Variants in SYN1 observed in about 807,000 individuals in gnomAD.
SYN1 encodes synapsin-1.
SYN1 carries 8 observed loss-of-function variants against 44.6 expected under a neutral mutation model. The ratio of observed to expected loss-of-function variants is 0.18; its 90% CI spans 0.11 to 0.32. The LOEUF (loss-of-function observed/expected upper bound fraction) is 0.32. Ranked by LOEUF, SYN1 falls within the 10% of genes least tolerant of loss-of-function variation. SYN1 has a pLI of 1.00. For missense variants in SYN1, 451 were observed against 639.4 expected (o/e 0.71, Z 3.18); for synonymous variants, 275 against 280.1 (o/e 0.98, Z 0.18).
Position 47,612,557 on chromosome X carries a change from G to A in SYN1, c.378-5359C>T, listed in dbSNP as rs187478523. Among the ~76,000 whole-genome samples, 10 of 111,941 alleles carry A rather than the reference G, an allele frequency of 8.9e-5. No individual in the cohort carries two copies. The East Asian group carries it at 2.8e-3, about 32-fold the overall frequency. On this transcript the variant is annotated intron_variant, in intron 1 of 12. Coordinates refer to ENST00000295987, the MANE Select transcript of SYN1 (RefSeq NM_006950.3). Reference sequence around the variant, plus strand: ...ACAAATTGGTTGTCTTAGTATGTGGGTGGAAGCCAAAAATGGGCAGTGGTT... The same window carrying A: ...ACAAATTGGTTGTCTTAGTATGTGGATGGAAGCCAAAAATGGGCAGTGGTT...
At chrX:47,584,810 CTG>C (rs1363592921) in intron 5 of SYN1, 5 of 528,121 alleles carry the variant, frequency 9.5e-6, no homozygotes, top group Non-Finnish European at 1.6e-5. Context: ...ACTTTGTGTG[CTG>C]TCTGGCATCC....
intron 5 of SYN1, 132 bp from the exon 6 acceptor site, chrX:47,577,633 A>ACAGG (rs1270075426): frequency 1.8e-6 from 1 of 566,662 alleles, no homozygotes; most frequent in African/African-American, 2.3e-5. Context: ...CAGGTCAGAG[A>ACAGG]CAGGCAGGCA....
At position 47,574,317 on chromosome X, in the gene SYN1, C is replaced by T; in HGVS notation, c.1667G>A (p.Arg556His). ...GGTAGCCTGTGGGGGGCCCGCCTGG[C>T]GCTGGGGAGACGGAGAGGCGGGCGG... ...ARPPASPSPQRQAGPPQATRQ... is the reference protein window; with the variant it reads ...ARPPASPSPQHQAGPPQATRQ... Residue 556 changes from arginine (R) to histidine (H), a missense_variant, in exon 12 of 13, where the codon CGC becomes CAC. Physicochemically the swap from Arg to His is conservative, Grantham distance 29. This residue lies in a region of SYN1 where 127 missense variants were observed against 154.8 expected (regional missense o/e 0.82). Coordinates refer to ENST00000295987, the MANE Select transcript of SYN1 (RefSeq NM_006950.3). 2.8e-6 allele frequency: 3 copies of T among 1,073,063 alleles called. No homozygotes were observed. Among genetic ancestry groups the T allele is most frequent in the Non-Finnish European group, 3.6e-6 (3 of 834,485 alleles). The allele number at this position is 1,073,063 out of a possible 1,213,427, so 88.4% of individuals were successfully genotyped here.
chrX:47,575,423 G>A, intron 9 of SYN1, 149 bp from the exon 10 acceptor site: 1 of 769,393 alleles, frequency 1.3e-6, no homozygotes, highest in Non-Finnish European at 1.9e-6. Flanking sequence ...AGGCTTGTCT[G>A]TTCCAAGGTA....
chrX:47,603,432 C>T (rs1053297890), intron 5 of SYN1, among the ~76,000 whole-genome samples: 5 of 111,137 alleles, frequency 4.5e-5, no homozygotes, highest in South Asian at 3.7e-4. Flanking sequence ...CCTGGGCTCA[C>T]GAGATCCTCC....
In SYN1 at chrX:47,573,510, A is replaced by G. The variant is rs769114379; in HGVS notation, c.1982+492T>C. 3.6e-5 allele frequency among the ~76,000 whole-genome samples: 4 copies of G among 110,744 alleles called. No homozygotes were observed. The South Asian group carries it at 1.5e-3, about 43-fold the overall frequency. On this transcript the variant is annotated intron_variant, in intron 12 of 12. Coordinates refer to ENST00000295987, the MANE Select transcript of SYN1 (RefSeq NM_006950.3). ...ATGGACCAGAAAAGGCAGATGGGTG[A>G]TGATTCGCGGGGAGACTGAGATGGG...
At chrX:47,601,709 A>G (rs1036456384) in intron 5 of SYN1, among the ~76,000 whole-genome samples, 1 of 112,613 alleles carries the variant, frequency 8.9e-6, no homozygotes, top group African/African-American at 3.2e-5. Flanking sequence ...CCAGAAAAAG[A>G]CATCATAAGA....
At chrX:47,590,885 G>GTTTTA (rs780643456) in intron 5 of SYN1, among the ~76,000 whole-genome samples, 3 of 111,593 alleles carry the variant, frequency 2.7e-5, no homozygotes, top group Admixed American at 9.5e-5. Context: ...TTTGTAAAAT[G>GTTTTA]TTTTATTTTA....
At chrX:47,607,301 C>A (rs2057900860) in intron 1 of SYN1, 103 bp from the exon 2 acceptor site, 1 of 661,565 alleles carries the variant, frequency 1.5e-6, no homozygotes, top group Non-Finnish European at 2.4e-6. Context: ...CTAAAGAAAC[C>A]ACAAAGTGCC....
chrX:47,599,455 G>C (rs965372983), intron 5 of SYN1, among the ~76,000 whole-genome samples: 10 of 112,774 alleles, frequency 8.9e-5, no homozygotes, highest in Non-Finnish European at 1.9e-4. Flanking sequence ...TGAATCATCA[G>C]AACCATCTAT....
chrX:47,619,522 C>G lies in SYN1; in HGVS notation c.207G>C (p.Gly69=). The G allele has an allele frequency of 2.5e-6, 3 of 1,197,992 alleles. No individual in the cohort carries two copies. Among genetic ancestry groups the G allele is most frequent in the Non-Finnish European group, 3.4e-6 (3 of 891,360 alleles). Residue 69 remains glycine, a synonymous_variant, in exon 1 of 13, where the codon GGG becomes GGC. Transcript: ENST00000295987. The stretch of plus-strand genomic sequence containing the variant: ...AGAAGAAGCCACCGCCCCCCGAGGA[C>G]CCGGGGCTAGGGGCGGCCGGAGAGG... ...PAASPAAPSP[G]SSGGGGFFSS...
In SYN1 at chrX:47,574,180, G is replaced by A; in HGVS notation, c.1804C>T (p.Arg602Cys). ...ACGGGACCCGCCTGGCTGGCCTGGC[G>A]TGTGGGGCCGGCTGGGCCTGGGGGT... is the stretch of plus-strand genomic sequence containing the variant. The part of the protein sequence containing the change: ...QKPPGPAGPT[R>C]QASQAGPVPR... The change falls in exon 12 of 13, where the codon CGC (arginine) becomes TGC (cysteine). Residue 602 changes from arginine (R) to cysteine (C), a missense_variant. Physicochemically the swap from Arg to Cys is radical, Grantham distance 180 (BLOSUM62 -3). Transcript: ENST00000295987. The A allele has an allele frequency of 1.4e-5, 15 of 1,058,384 alleles. No homozygotes were observed. Among genetic ancestry groups the A allele is most frequent in the Non-Finnish European group, 1.8e-5 (15 of 828,419 alleles). 87.2% of individuals were successfully genotyped at this position (1,058,384 alleles called of 1,213,427 possible). A position where few individuals can be genotyped will look rare whatever the true frequency, so the allele number is the denominator to read the frequency against.
Position 47,576,253 on chromosome X carries a change from G to A in SYN1, c.1056-20C>T, listed in dbSNP as rs767540476. The A allele has an allele frequency of 5.8e-6, 7 of 1,200,320 alleles. No individual in the cohort carries two copies. In the African/African-American group the frequency reaches 1.2e-4, roughly 21 times the overall value. ...TTGTATCTGCCAAGACAAAGGGTGG[G>A]GAAGCCTGTCAGTCTCTCACCTGAG... On this transcript the variant is annotated intron_variant, in intron 8 of 12. Coordinates refer to ENST00000295987, the MANE Select transcript of SYN1 (RefSeq NM_006950.3).
rs1300070259 is a variant in SYN1 at position 47,619,751 on chromosome X, T to A, written c.-23A>T. 1 of 1,154,316 alleles carries A rather than the reference T, an allele frequency of 8.7e-7. No homozygotes were observed. The stretch of plus-strand genomic sequence containing the variant: ...CATGGCTGCGACTTGGGGCAGGGGG[T>A]CCTAGGGGTGGTCTGGCCAGGAGCC... On this transcript the variant is annotated 5_prime_UTR_variant, in exon 1 of 13. Coordinates refer to ENST00000295987, the MANE Select transcript of SYN1 (RefSeq NM_006950.3).
intron 6 of SYN1, 147 bp downstream of exon 6, chrX:47,577,292 T>C: frequency 1.6e-6 from 1 of 612,523 alleles, no homozygotes; most frequent in Non-Finnish European, 2.6e-6. Context: ...TAATTGTGGT[T>C]TTTACCATAA....
At chrX:47,608,141 G>A (rs1473110244) in intron 1 of SYN1, among the ~76,000 whole-genome samples, 2 of 110,351 alleles carry the variant, frequency 1.8e-5, no homozygotes, top group Admixed American at 1.9e-4. Context: ...GGTCGAGGCT[G>A]TAGTGAGCCG....
At position 47,577,339 on chromosome X, in the gene SYN1, TGATA is replaced by T; in HGVS notation, c.837+96_837+99del. On this transcript the variant is annotated intron_variant, in intron 6 of 12. Coordinates refer to ENST00000295987, the MANE Select transcript of SYN1 (RefSeq NM_006950.3). ...ACCCGCAATTACTTTTGCACCAACC[TGATA>T]GATAACGACACCCCAGGAGACGCGA... is the stretch of plus-strand genomic sequence containing the variant. 1.4e-5 allele frequency: 13 copies of T among 921,475 alleles called. 1 individual carries two copies. The highest frequency in any genetic ancestry group is 1.0e-4 in the South Asian group (5 of 47,771). The allele number at this position is 921,475 out of a possible 1,213,427, so 75.9% of individuals were successfully genotyped here.
At chrX:47,606,429 A>G (rs912080737) in intron 3 of SYN1, among the ~76,000 whole-genome samples, 53 of 109,914 alleles carry the variant, frequency 4.8e-4, no homozygotes, top group Non-Finnish European at 8.7e-4. Context: ...TGTTTATTTA[A>G]TTAATAATTG....
intron 5 of SYN1, among the ~76,000 whole-genome samples, chrX:47,577,868 T>TG (rs2057782988): frequency 6.5e-5 from 1 of 15,485 alleles, no homozygotes; most frequent in Non-Finnish European, 1.1e-4. Context: ...TGCGTGTGTG[T>TG]GGGGGTGGGG....
Sources: gnomAD v4.1 joint callset for allele counts (sites outside exome capture counted in the v4.1 genomes callset) on GRCh38, gnomAD v4.1.1 for gene constraint, gnomAD v4.1.1 regional missense constraint, MANE v1.5 for transcripts, NCBI Gene and HGNC (gene_info 2026-07-23, HGNC 2026-07-21) for gene names.